LSAMP: variants seen among roughly 807,000 people sequenced by gnomAD.
LSAMP encodes the protein limbic system associated membrane protein.
In LSAMP, 7 loss-of-function variants were observed where a neutral mutation model predicts 38.6. That is an observed-to-expected ratio of 0.18 (90% CI 0.10 to 0.34). The LOEUF is 0.34. Among genes scored for constraint, LSAMP ranks in the 10% least tolerant of loss-of-function variants. LSAMP has a pLI of 1.00. For missense variants in LSAMP, 313 were observed against 420.0 expected (o/e 0.75, Z 2.23); for synonymous variants, 154 against 166.8 (o/e 0.92, Z 0.59).
chr3:115,926,045 T>C (rs1268685144), intron 3 of LSAMP, among the ~76,000 whole-genome samples: 3 of 151,694 alleles, frequency 2.0e-5, no homozygotes, highest in Admixed American at 6.6e-5. Context: ...CTAGAGAGCA[T>C]TAAAAAGAAA....
At chr3:116,134,265 C>T (rs538013515) in intron 1 of LSAMP, among the ~76,000 whole-genome samples, 27 of 152,104 alleles carry the variant, frequency 1.8e-4, no homozygotes, top group Admixed American at 4.6e-4. Flanking sequence ...TTTACATTTA[C>T]CTCCCTTCAT....
intron 2 of LSAMP, among the ~76,000 whole-genome samples, chr3:116,069,411 T>C (rs528404474): frequency 2.0e-5 from 3 of 152,356 alleles, no homozygotes; most frequent in Non-Finnish European, 2.9e-5. Context: ...CTCTTATGTA[T>C]GAGCAGGCTA....
intron 1 of LSAMP, among the ~76,000 whole-genome samples, chr3:116,339,298 A>AG (rs1025299897): frequency 6.9e-6 from 1 of 144,626 alleles, no homozygotes; most frequent in Non-Finnish European, 1.5e-5. Flanking sequence ...TTTTTTTTTG[A>AG]GAAAATTTGA....
Position 115,803,532 on chromosome 3 carries a change from C to A in LSAMP, c.*6785G>T, listed in dbSNP as rs1342040249. The A allele has an allele frequency of 6.6e-6, 1 of 152,210 alleles. No individual in the cohort carries two copies. The allele number at this position is 152,210 out of a possible 1,614,324, so 9.4% of individuals were successfully genotyped here. A position where few individuals can be genotyped will look rare whatever the true frequency, so the allele number is the denominator to read the frequency against. ...TTCTGCTTACCCTTTTCTCAGAGAACCTAACTTTCACATTTGATTTTGGCC... is the reference window on the plus strand; with the variant it reads ...TTCTGCTTACCCTTTTCTCAGAGAAACTAACTTTCACATTTGATTTTGGCC... On this transcript the variant is annotated 3_prime_UTR_variant, in exon 7 of 7. Transcript: ENST00000490035.
chr3:116,047,643 C>T (rs2107728038), intron 2 of LSAMP, among the ~76,000 whole-genome samples: 1 of 152,258 alleles, frequency 6.6e-6, no homozygotes, highest in East Asian at 1.9e-4. Flanking sequence ...CCCCTATTTT[C>T]CTCCTCAGTG....
chr3:115,821,106 A>AT (rs1203423704), intron 6 of LSAMP, among the ~76,000 whole-genome samples: 9 of 151,700 alleles, frequency 5.9e-5, no homozygotes, highest in African/African-American at 1.9e-4. Flanking sequence ...ACGTGATGTG[A>AT]TTTTTTTCTC....
intron 2 of LSAMP, among the ~76,000 whole-genome samples, chr3:116,074,027 GC>G (rs1307701388): frequency 6.6e-6 from 1 of 152,114 alleles, no homozygotes. Flanking sequence ...CTGGATCCAG[GC>G]CTTACTGAAA....
At chr3:115,934,786 G>T (rs540021472) in intron 3 of LSAMP, among the ~76,000 whole-genome samples, 6 of 152,212 alleles carry the variant, frequency 3.9e-5, no homozygotes, top group Non-Finnish European at 5.9e-5. Flanking sequence ...ACTTTTCTGG[G>T]CCTCTGTGTC....
intron 1 of LSAMP, among the ~76,000 whole-genome samples, chr3:116,165,685 G>A (rs1475666982): frequency 6.6e-6 from 1 of 152,182 alleles, no homozygotes; most frequent in Non-Finnish European, 1.5e-5. Flanking sequence ...TGAGAGAAAT[G>A]TGAGCAGGGC....
At chr3:115,902,015 T>C (rs948021129) in intron 3 of LSAMP, among the ~76,000 whole-genome samples, 6 of 148,698 alleles carry the variant, frequency 4.0e-5, no homozygotes, top group African/African-American at 1.5e-4. Flanking sequence ...AGAAACTAAA[T>C]AACTGAAAGG....
At chr3:116,183,234 A>G (rs979768230) in intron 1 of LSAMP, among the ~76,000 whole-genome samples, 1 of 151,886 alleles carries the variant, frequency 6.6e-6, no homozygotes, top group Admixed American at 6.6e-5. Flanking sequence ...GAAACAAGAC[A>G]TGGTTGCATC....
At chr3:116,107,459 G>A (rs978434919) in intron 1 of LSAMP, among the ~76,000 whole-genome samples, 1 of 152,190 alleles carries the variant, frequency 6.6e-6, no homozygotes, top group African/African-American at 2.4e-5. Context: ...TGGACAGAAA[G>A]GCTACAGGGT....
chr3:116,432,688 A>G (rs570684138), intron 1 of LSAMP, among the ~76,000 whole-genome samples: 1 of 152,284 alleles, frequency 6.6e-6, no homozygotes, highest in South Asian at 2.1e-4. Context: ...ATCTTTGCTT[A>G]TAAGACAAGT....
intron 3 of LSAMP, among the ~76,000 whole-genome samples, chr3:115,978,702 AAAGTT>A (rs1441751961): frequency 1.8e-4 from 28 of 152,228 alleles, no homozygotes; most frequent in Admixed American, 7.2e-4. Flanking sequence ...TGAAAAAAAA[AAAGTT>A]AAGGAGTTGG....
At chr3:115,935,392 G>A (rs1937666480) in intron 3 of LSAMP, among the ~76,000 whole-genome samples, 1 of 152,152 alleles carries the variant, frequency 6.6e-6, no homozygotes, top group Admixed American at 6.6e-5. Context: ...GAGTCAAGTG[G>A]AATGAACTAC....
intron 1 of LSAMP, among the ~76,000 whole-genome samples, chr3:116,165,553 C>T (rs533069070): frequency 1.5e-3 from 222 of 152,260 alleles, no homozygotes; most frequent in Middle Eastern, 3.4e-3. Flanking sequence ...CACAAACACA[C>T]ATACACACAC....
intron 3 of LSAMP, among the ~76,000 whole-genome samples, chr3:115,905,235 T>C (rs558725963): frequency 2.0e-5 from 3 of 152,212 alleles, no homozygotes; most frequent in Admixed American, 2.0e-4. Context: ...CTATTAGTGA[T>C]GAAAAGTTTC....
At chr3:116,389,087 G>A (rs1283636540) in intron 1 of LSAMP, among the ~76,000 whole-genome samples, 1 of 152,178 alleles carries the variant, frequency 6.6e-6, no homozygotes, top group Non-Finnish European at 1.5e-5. Flanking sequence ...GTGTCTTGGA[G>A]GGATGGGAAA....
intron 1 of LSAMP, among the ~76,000 whole-genome samples, chr3:116,106,731 G>C (rs567080679): frequency 2.2e-4 from 33 of 152,268 alleles, no homozygotes; most frequent in South Asian, 6.2e-4. Context: ...GGCCTTCTCA[G>C]ACCGTGTAGG....
Sources: allele counts gnomAD v4.1 joint callset (sites outside exome capture counted in the v4.1 genomes callset), GRCh38; gene constraint gnomAD v4.1.1; transcripts MANE v1.5; gene names NCBI Gene and HGNC (gene_info 2026-07-23, HGNC 2026-07-21).